The following MYH7 variants were observed in gnomAD, a reference collection of about 807,000 sequenced individuals.
The protein encoded by MYH7 is myosin-7.
Under a neutral mutation model 225.4 loss-of-function variants are expected in MYH7, and 129 were observed. The ratio of observed to expected loss-of-function variants is 0.57; its 90% CI spans 0.50 to 0.66. The LOEUF is 0.66. Among genes scored for constraint, MYH7 ranks in the 30% least tolerant of loss-of-function variants. The probability of loss-of-function intolerance (pLI) is 0.00; values close to 1 mark genes in which losing one functional copy is unlikely to be tolerated. For synonymous variants in MYH7, 971 were observed against 1,007.6 expected (o/e 0.96, Z 0.69); for missense variants, 1,649 against 2,517.0 (o/e 0.66, Z 7.38).
In MYH7 at chr14:23,417,208, A is replaced by G. The variant is rs1384457516; in HGVS notation, c.4464T>C (p.Tyr1488=). The stretch of plus-strand genomic sequence containing the variant: ...TCTCCAGATGTTCCAGGGACTCCTC[A>G]TAGGCGTTCTTGAGTTTGAAGAGCT... The part of the protein sequence containing the change: ...STELFKLKNA[Y]EESLEHLETF... Residue 1488 remains tyrosine, a synonymous_variant, in exon 32 of 40, where the codon TAT becomes TAC. Transcript: ENST00000355349. The G allele has an allele frequency of 1.9e-6, 3 of 1,614,032 alleles. No homozygotes were observed. The highest frequency in any genetic ancestry group is 1.7e-5 in the Admixed American group (1 of 60,014).
At position 23,433,821 on chromosome 14, in the gene MYH7, C is replaced by T. The variant is rs1893049676; in HGVS notation, c.-8-81G>A. 1 of 1,387,936 alleles carries T rather than the reference C, an allele frequency of 7.2e-7. No homozygotes were observed. Among genetic ancestry groups the T allele is most frequent in the Admixed American group, 1.8e-5 (1 of 56,198 alleles). The allele number at this position is 1,387,936 out of a possible 1,614,324, so 86.0% of individuals were successfully genotyped here. A position where few individuals can be genotyped will look rare whatever the true frequency, so the allele number is the denominator to read the frequency against. ...CTGGGCTCTCCCCTTCAGTGGGAGC[C>T]CCAAAACCTAGCACCATGCTCAAGA... On this transcript the variant is annotated intron_variant, in intron 2 of 39. Coordinates refer to ENST00000355349, the MANE Select transcript of MYH7 (RefSeq NM_000257.4). This position sits in a 1 kb window ranked among gnomAD's most constrained non-coding sequence, Gnocchi z 4.1.
At chr14:23,430,187 C>T (rs919660530) in intron 11 of MYH7, among the ~76,000 whole-genome samples, 1 of 152,180 alleles carries the variant, frequency 6.6e-6, no homozygotes. Context: ...CTTCCTGGCC[C>T]TACACTTGCT....
rs746074103 is a variant in MYH7 at position 23,421,011 on chromosome 14, C to T, written c.3283G>A (p.Glu1095Lys). Residue 1095 changes from glutamate to lysine, a missense_variant, in exon 26 of 40, where the codon GAG becomes AAG. Coordinates refer to ENST00000355349, the MANE Select transcript of MYH7 (RefSeq NM_000257.4). ...TGGCTGCCGAGGGCCTGTTCATCCT[C>T]AATCCTTGCGTTGAGAGCATTCAGC... ...FELNALNARI[E>K]DEQALGSQLQ... 2 of 1,612,842 alleles carry T rather than the reference C, an allele frequency of 1.2e-6. No individual in the cohort carries two copies. The highest frequency in any genetic ancestry group is 1.7e-6 in the Non-Finnish European group (2 of 1,180,000).
intron 16 of MYH7, 77 bp downstream of exon 16, chr14:23,427,508 G>C (rs1343863135): frequency 6.4e-7 from 1 of 1,555,696 alleles, no homozygotes; most frequent in Non-Finnish European, 8.8e-7. Flanking sequence ...GAAGTGGTGG[G>C]GTGTAGCAAT....
At chr14:23,430,831 G>A in intron 10 of MYH7, 70 bp downstream of exon 10, 4 of 1,368,484 alleles carry the variant, frequency 2.9e-6, no homozygotes, top group Non-Finnish European at 4.2e-6. Flanking sequence ...TGCCAGCTGA[G>A]TCCAGCCACA....
At position 23,430,962 on chromosome 14, in the gene MYH7, T is replaced by C. The variant is rs1474253373; in HGVS notation, c.834A>G (p.Lys278=). ...AGAAAATGTGATAATCTCTCTCTGC[T>C]TTCAGCTGGAAAATAACTCTGGATT... ...LEKSRVIFQL[K]AERDYHIFYQ... Residue 278 remains lysine (K), a synonymous_variant, in exon 10 of 40, where the codon AAA becomes AAG. Transcript: ENST00000355349. 3.1e-6 allele frequency: 5 copies of C among 1,613,908 alleles called. No individual in the cohort carries two copies. In the East Asian group the frequency reaches 8.9e-5, roughly 29 times the overall value.
chr14:23,424,703 G>T, intron 22 of MYH7, 66 bp downstream of exon 22: 1 of 1,608,822 alleles, frequency 6.2e-7, no homozygotes, highest in South Asian at 1.1e-5. Context: ...GTGCAGGGAG[G>T]TGCAGGGTTG....
intron 6 of MYH7, 114 bp downstream of exon 6, chr14:23,432,365 C>G: frequency 1.5e-6 from 2 of 1,329,130 alleles, no homozygotes; most frequent in Non-Finnish European, 2.2e-6. Context: ...GAGATGGGCA[C>G]GAGGTTGGGG....
rs780779736 is a variant in MYH7, at chr14:23,428,488, C to A, written c.1578+12G>T. On this transcript the variant is annotated intron_variant, in intron 15 of 39. Transcript: ENST00000355349. ...TGCAGGGAGAATTCAGGTGGTAAGG[C>A]CAAAGAGGCACCTTCTCGATGAGGT... 3 of 1,614,000 alleles carry A rather than the reference C, an allele frequency of 1.9e-6. No individual in the cohort carries two copies. The highest frequency in any genetic ancestry group is 2.5e-6 in the Non-Finnish European group (3 of 1,180,034).
rs1595091114 is a variant in MYH7, at chr14:23,433,204, C to T, written c.225G>A (p.Gln75=). 3.1e-6 allele frequency: 5 copies of T among 1,614,184 alleles called. No individual in the cohort carries two copies. The African/African-American group carries it at 4.0e-5, about 13-fold the overall frequency. The part of the protein sequence containing the change: ...YGKTVTVKED[Q]VMQQNPPKFD... Reference sequence around the variant, plus strand: ...ACTTGGGTGGGTTCTGCTGCATCACCTGGTCCTCCTTCACGGTCACTGTCT... The same window carrying T: ...ACTTGGGTGGGTTCTGCTGCATCACTTGGTCCTCCTTCACGGTCACTGTCT... The change falls in exon 4 of 40, where the codon CAG becomes CAA. Residue 75 remains glutamine (Q), a synonymous_variant. Transcript: ENST00000355349. This position sits in a 1 kb window ranked among gnomAD's most constrained non-coding sequence, Gnocchi z 4.1.
At chr14:23,413,199 G>GAACT (rs1892043031) in intron 39 of MYH7, among the ~76,000 whole-genome samples, 2 of 152,302 alleles carry the variant, frequency 1.3e-5, no homozygotes, top group South Asian at 4.2e-4. Context: ...AGCAGTTGGG[G>GAACT]GGAAACTGGG....
In MYH7 at chr14:23,415,048, ACT is replaced by A. The variant is rs767130951; in HGVS notation, c.5504_5505del (p.Glu1835ValfsTer70). ...ELEAEQKRNA[E>X]SVKGMRKSER... is the part of the protein sequence containing the mutation. ...TCGCTCTTCCTCATGCCCTTCACCG[ACT>A]CTGCGTTGCGCTTCTGCTCGGCCTC... On this transcript the variant is annotated frameshift_variant, in exon 37 of 40. Coordinates refer to ENST00000355349, the MANE Select transcript of MYH7 (RefSeq NM_000257.4). LOFTEE classifies it high-confidence loss of function. The surrounding 1 kb of genome is among the most constrained non-coding windows in gnomAD (Gnocchi z 6.3). 1.2e-6 allele frequency: 2 copies of A among 1,611,986 alleles called. No individual in the cohort carries two copies. The highest frequency in any genetic ancestry group is 2.7e-5 in the African/African-American group (2 of 74,778).
intron 25 of MYH7, among the ~76,000 whole-genome samples, chr14:23,421,350 G>C (rs1460621649): frequency 6.6e-6 from 1 of 152,182 alleles, no homozygotes; most frequent in Non-Finnish European, 1.5e-5. Context: ...TTGTTTCAAA[G>C]GTCCTTTTTA....
chr14:23,421,143 T>C (rs1892459324), intron 25 of MYH7, 95 bp from the exon 26 acceptor site: 1 of 889,046 alleles, frequency 1.1e-6, no homozygotes, highest in Non-Finnish European at 1.9e-6. Context: ...AGGTAAAGAG[T>C]AGGATTTCAT....
Position 23,419,860 on chromosome 14 carries a change from C to T in MYH7, c.3711G>A (p.Gln1237=), listed in dbSNP as rs1361182615. 2 of 1,613,756 alleles carry T rather than the reference C, an allele frequency of 1.2e-6. No homozygotes were observed. The highest frequency in any genetic ancestry group is 1.7e-6 in the Non-Finnish European group (2 of 1,179,868). ...CAGAGCCTGCCTTGGCCTTGATGAT[C>T]TGCTCCATGTTGGAGGTGACGTCAT... ...ELDDVTSNME[Q]IIKAKANLEK... is the part of the protein sequence containing the mutation. The change falls in exon 27 of 40, where the codon CAG becomes CAA. Residue 1237 remains glutamine, a synonymous_variant. Coordinates refer to ENST00000355349, the MANE Select transcript of MYH7 (RefSeq NM_000257.4).
At position 23,419,491 on chromosome 14, in the gene MYH7, G is replaced by A; in HGVS notation, c.3845C>T (p.Thr1282Ile). 2.5e-6 allele frequency: 4 copies of A among 1,614,128 alleles called. No individual in the cohort carries two copies. The highest frequency in any genetic ancestry group is 3.4e-6 in the Non-Finnish European group (4 of 1,180,036). ...CCCTGCTCTAGGCTCACCATTCTCG[G>A]TTTGCAACTTGGCCCGCTGGCTGGT... ...DLTSQRAKLQ[T>I]ENGELSRQLD... is the part of the protein sequence containing the mutation. The change falls in exon 28 of 40, where the codon ACC becomes ATC. Residue 1282 changes from threonine to isoleucine, a missense_variant. Physicochemically the swap from Thr to Ile is moderately conservative, Grantham distance 89 (BLOSUM62 -1). This residue lies in a region of MYH7 where 687 missense variants were observed against 913.8 expected (regional missense o/e 0.75). Coordinates refer to ENST00000355349, the MANE Select transcript of MYH7 (RefSeq NM_000257.4).
In MYH7 at chr14:23,425,635, A is replaced by G. The variant is rs981222263; in HGVS notation, c.2286+60T>C. The G allele has an allele frequency of 1.8e-5, 29 of 1,612,606 alleles. No homozygotes were observed. Among genetic ancestry groups the G allele is most frequent in the Non-Finnish European group, 2.3e-5 (27 of 1,179,218 alleles). ...CTAAGATGATTACAACAGGAAAAGC[A>G]TCAGAGGAGTCAATGGAAAAGAGAT... is the stretch of plus-strand genomic sequence containing the variant. On this transcript the variant is annotated intron_variant, in intron 20 of 39. Coordinates refer to ENST00000355349, the MANE Select transcript of MYH7 (RefSeq NM_000257.4). The surrounding 1 kb of genome is among the most constrained non-coding windows in gnomAD (Gnocchi z 4.6).
At position 23,419,983 on chromosome 14, in the gene MYH7, G is replaced by C; in HGVS notation, c.3588C>G (p.His1196Gln). The change falls in exon 27 of 40, where the codon CAC becomes CAG. Residue 1196 changes from histidine (H) to glutamine (Q), a missense_variant. Around this residue, in one of 12 missense-constraint regions of MYH7, gnomAD observed 106 missense variants for 198.8 expected, o/e 0.53. Coordinates refer to ENST00000355349, the MANE Select transcript of MYH7 (RefSeq NM_000257.4). Reference protein sequence around the residue: ...EATAAALRKKHADSVAELGEQ... With the variant: ...EATAAALRKKQADSVAELGEQ... The stretch of plus-strand genomic sequence containing the variant: ...CGCCCAGCTCGGCCACGCTGTCGGC[G>C]TGCTTCTTGCGCAGGGCCGCGGCAG... 1 of 1,604,002 alleles carries C rather than the reference G, an allele frequency of 6.2e-7. No individual in the cohort carries two copies.
chr14:23,431,975 C>A, intron 6 of MYH7, 106 bp from the exon 7 acceptor site: 1 of 1,173,040 alleles, frequency 8.5e-7, no homozygotes, highest in Admixed American at 1.8e-5. Flanking sequence ...GAGCCCTGGG[C>A]AAGAAGCTGC....
Sources: gnomAD v4.1 joint callset for allele counts (sites outside exome capture counted in the v4.1 genomes callset) on GRCh38, gnomAD v4.1.1 for gene constraint, gnomAD v4.1.1 regional missense constraint, Gnocchi (gnomAD v3.1) non-coding constraint, MANE v1.5 for transcripts, NCBI Gene and HGNC (gene_info 2026-07-23, HGNC 2026-07-21) for gene names.